Variants in GRHL2 observed in about 807,000 individuals in gnomAD.
GRHL2 encodes the protein grainyhead-like protein 2 homolog.
GRHL2 carries 21 observed loss-of-function variants against 83.8 expected under a neutral mutation model. That is an observed-to-expected ratio of 0.25 (90% CI 0.18 to 0.36). The LOEUF (loss-of-function observed/expected upper bound fraction) is 0.36. Among genes scored for constraint, GRHL2 ranks in the 10% least tolerant of loss-of-function variants. The pLI, the probability that GRHL2 is intolerant of heterozygous loss-of-function variation, is 1.00. For synonymous variants in GRHL2, 280 were observed against 278.9 expected (o/e 1.00, Z -0.04); for missense variants, 623 against 781.8 (o/e 0.80, Z 2.42).
rs756960152 is a variant in GRHL2 at position 101,632,348 on chromosome 8, C to A, written c.1468C>A (p.Leu490Met). ...CATACCTGATGTTCACTTTGCAAAC[C>A]TGCAGAGGACCGGACAGGTATGACC... Reference protein sequence around the residue: ...LFIPDVHFANLQRTGQVYYNT... With the variant: ...LFIPDVHFANMQRTGQVYYNT... The change falls in exon 11 of 16, where the codon CTG becomes ATG. Residue 490 changes from leucine to methionine, a missense_variant. By Grantham distance (15) the Leu-to-Met change is conservative (BLOSUM62 2). Coordinates refer to ENST00000646743, the MANE Select transcript of GRHL2 (RefSeq NM_024915.4). 6.2e-7 allele frequency: 1 copy of A among 1,613,830 alleles called. No individual in the cohort carries two copies. The highest frequency in any genetic ancestry group is 1.3e-5 in the African/African-American group (1 of 74,912).
At chr8:101,500,516 A>G (rs1049614664) in intron 1 of GRHL2, among the ~76,000 whole-genome samples, 1 of 152,084 alleles carries the variant, frequency 6.6e-6, no homozygotes, top group African/African-American at 2.4e-5. Context: ...GTGTATATAT[A>G]TATTTTTTTG....
At chr8:101,498,936 A>T (rs1043272050) in intron 1 of GRHL2, among the ~76,000 whole-genome samples, 1 of 152,074 alleles carries the variant, frequency 6.6e-6, no homozygotes, top group African/African-American at 2.4e-5. Context: ...TTAGCCAGGC[A>T]TGGTGGCGGG....
chr8:101,552,951 G>A (rs763095985), intron 3 of GRHL2, among the ~76,000 whole-genome samples, 169 bp downstream of exon 3: 3 of 152,212 alleles, frequency 2.0e-5, no homozygotes, highest in Non-Finnish European at 4.4e-5. Context: ...AGAGCAAATT[G>A]CATGTTTGGT....
In GRHL2 at chr8:101,669,640, G is replaced by A. The variant is rs986970066; in HGVS notation, c.*2937G>A. 1 of 152,268 alleles carries A rather than the reference G, an allele frequency of 6.6e-6. No individual in the cohort carries two copies. The highest frequency in any genetic ancestry group is 2.1e-4 in the South Asian group (1 of 4,808). The allele number at this position is 152,268 out of a possible 1,614,324, so 9.4% of individuals were successfully genotyped here. On this transcript the variant is annotated 3_prime_UTR_variant, in exon 16 of 16. Coordinates refer to ENST00000646743, the MANE Select transcript of GRHL2 (RefSeq NM_024915.4). ...TTAATAGTTTTGTAAATGGGAGAGG[G>A]GGAATCTATAAACTATAAATACAGT...
intron 2 of GRHL2, among the ~76,000 whole-genome samples, chr8:101,544,956 C>T (rs1047222160): frequency 3.3e-5 from 5 of 152,156 alleles, no homozygotes; most frequent in Admixed American, 2.6e-4. Context: ...TATTCTTCTG[C>T]CAGAGTTTTC....
At chr8:101,573,898 A>G in intron 6 of GRHL2, 74 bp downstream of exon 6, 1 of 1,517,076 alleles carries the variant, frequency 6.6e-7, no homozygotes, top group Non-Finnish European at 9.1e-7. Context: ...GCCTTGTGGA[A>G]TGGCATGGAA....
chr8:101,628,436 A>G (rs996940700), intron 9 of GRHL2, among the ~76,000 whole-genome samples: 3 of 152,058 alleles, frequency 2.0e-5, no homozygotes. Context: ...ATCCCTTTTA[A>G]TTGACAATGT....
intron 3 of GRHL2, 73 bp from the exon 4 acceptor site, chr8:101,558,346 G>T: frequency 6.5e-7 from 1 of 1,547,092 alleles, no homozygotes; most frequent in Non-Finnish European, 8.9e-7. Context: ...TGCCTGCATT[G>T]GTTATTCTAT....
At chr8:101,590,292 A>T (rs1318635885) in intron 7 of GRHL2, among the ~76,000 whole-genome samples, 1 of 152,206 alleles carries the variant, frequency 6.6e-6, no homozygotes, top group East Asian at 1.9e-4. Context: ...GGTTTTAAGA[A>T]GCCACTGCTT....
chr8:101,665,614 C>T (rs903180542), intron 15 of GRHL2, among the ~76,000 whole-genome samples: 2 of 152,176 alleles, frequency 1.3e-5, no homozygotes, highest in East Asian at 1.9e-4. Context: ...AGCAGAAATC[C>T]TCAGTGCAGA....
At chr8:101,618,010 A>G (rs1031663065) in intron 8 of GRHL2, among the ~76,000 whole-genome samples, 15 of 152,370 alleles carry the variant, frequency 9.8e-5, no homozygotes, top group African/African-American at 3.6e-4. Context: ...AAAGCAATGA[A>G]TAGTTTAACA....
downstream of GRHL2, among the ~76,000 whole-genome samples, chr8:101,671,176 G>A (rs968844857): frequency 1.9e-4 from 29 of 152,298 alleles, no homozygotes; most frequent in Admixed American, 7.8e-4. Context: ...GTGGGTGCAG[G>A]ACAGTAGGTG....
intron 13 of GRHL2, among the ~76,000 whole-genome samples, chr8:101,648,837 G>T (rs1813564386): frequency 6.6e-6 from 1 of 152,070 alleles, no homozygotes; most frequent in Non-Finnish European, 1.5e-5. Context: ...CTCCTTCAAG[G>T]GACCCTTCCA....
intron 8 of GRHL2, among the ~76,000 whole-genome samples, chr8:101,604,896 G>A (rs148892052): frequency 4.6e-5 from 7 of 152,256 alleles, no homozygotes; most frequent in African/African-American, 1.4e-4. Context: ...GTTGTTCTTT[G>A]CTGCATTCTA....
At chr8:101,631,403 G>T (rs1813183534) in intron 9 of GRHL2, among the ~76,000 whole-genome samples, 1 of 152,186 alleles carries the variant, frequency 6.6e-6, no homozygotes. Flanking sequence ...TACCAAAAAA[G>T]GAGAGAAAAT....
downstream of GRHL2, among the ~76,000 whole-genome samples, chr8:101,674,437 C>T (rs986318229): frequency 3.9e-5 from 6 of 152,250 alleles, no homozygotes; most frequent in African/African-American, 1.4e-4. Context: ...CACCTCTACG[C>T]AAATAAACTA....
At chr8:101,617,801 G>A (rs574266529) in intron 8 of GRHL2, among the ~76,000 whole-genome samples, 4 of 152,130 alleles carry the variant, frequency 2.6e-5, no homozygotes, top group Admixed American at 6.5e-5. Context: ...CACCACGCCC[G>A]GCTGAAAAGC....
At chr8:101,637,053 T>A (rs1813302394) in intron 12 of GRHL2, 125 bp downstream of exon 12, 1 of 865,566 alleles carries the variant, frequency 1.2e-6, no homozygotes, top group Non-Finnish European at 2.0e-6. Context: ...GACTCAGAGC[T>A]GAGAGACGCT....
At chr8:101,590,660 G>A (rs1586124839) in intron 7 of GRHL2, among the ~76,000 whole-genome samples, 1 of 152,202 alleles carries the variant, frequency 6.6e-6, no homozygotes, top group African/African-American at 2.4e-5. Context: ...ATTCAGGTCT[G>A]TGTGTCTCCA....
Sources: gnomAD v4.1 joint callset for allele counts (sites outside exome capture counted in the v4.1 genomes callset) on GRCh38, gnomAD v4.1.1 for gene constraint, MANE v1.5 for transcripts, NCBI Gene and HGNC (gene_info 2026-07-23, HGNC 2026-07-21) for gene names.